The following LIFR variants were observed in gnomAD, a reference collection of about 807,000 sequenced individuals.
The protein encoded by LIFR is LIF receptor subunit alpha.
Under a neutral mutation model 122.2 loss-of-function variants are expected in LIFR, and 84 were observed. The ratio of observed to expected loss-of-function variants is 0.69; its 90% confidence interval spans 0.58 to 0.82. LIFR has a LOEUF of 0.82. Among genes scored for constraint, LIFR ranks in the 40% least tolerant of loss-of-function variants. The pLI, the probability that LIFR is intolerant of heterozygous loss-of-function variation, is 0.00. For synonymous variants in LIFR, 422 were observed against 434.7 expected, an observed-to-expected ratio of 0.97 and a Z score of 0.36; for missense variants, 1,294 against 1,311.6, an observed-to-expected ratio of 0.99 and a Z score of 0.21.
At chr5:38,543,373 C>T (rs961486444) in intron 1 of LIFR, among the ~76,000 whole-genome samples, 22 of 152,130 alleles carry the variant, frequency 1.4e-4, no homozygotes, top group Admixed American at 9.8e-4. Flanking sequence ...TATTGTGGCT[C>T]GTAAGGAGCA....
intron 1 of LIFR, among the ~76,000 whole-genome samples, chr5:38,573,308 G>C (rs756006543): frequency 6.6e-6 from 1 of 152,170 alleles, no homozygotes; most frequent in Non-Finnish European, 1.5e-5. Flanking sequence ...GTGATCTCAG[G>C]CCAGTGGGTC....
rs578128555 is a variant in LIFR, at chr5:38,583,367, G to A, written c.-20+11894C>T. On this transcript the variant is annotated intron_variant, in intron 1 of 19. Transcript: ENST00000263409. ...GCACCATGCAAGGCTTTTTGGAAACGAACCAATTCTCATGAGAACTTATTA... is the reference window on the plus strand; with the variant it reads ...GCACCATGCAAGGCTTTTTGGAAACAAACCAATTCTCATGAGAACTTATTA... Among the ~76,000 whole-genome samples, 9 of 152,162 alleles carry A rather than the reference G, an allele frequency of 5.9e-5. No homozygotes were observed. In the East Asian group the frequency reaches 1.4e-3, roughly 23 times the overall value.
intron 10 of LIFR, 144 bp from the exon 11 acceptor site, chr5:38,502,943 TA>T: frequency 2.4e-6 from 1 of 423,918 alleles, no homozygotes; most frequent in East Asian, 3.8e-5. Flanking sequence ...AATGAGTTTG[TA>T]TATGTAACAC....
intron 5 of LIFR, among the ~76,000 whole-genome samples, chr5:38,520,144 T>C (rs1746324717): frequency 6.6e-6 from 1 of 152,170 alleles, no homozygotes; most frequent in Non-Finnish European, 1.5e-5. Flanking sequence ...GTTTTTTTTG[T>C]CTTTTTAATA....
rs1329183759 is a variant in LIFR, at chr5:38,480,369, C to T, written c.*1226G>A. The stretch of plus-strand genomic sequence containing the variant: ...AAGGCAATCAATTCTGCACAGCTCA[C>T]CAAGCAATTGCTGCACCTGCAACAC... On this transcript the variant is annotated 3_prime_UTR_variant, in exon 20 of 20. Coordinates refer to ENST00000453190, the MANE Select transcript of LIFR (RefSeq NM_001127671.2). 1 of 226,980 alleles carries T rather than the reference C, an allele frequency of 4.4e-6. No homozygotes were observed. Among genetic ancestry groups the T allele is most frequent in the Non-Finnish European group, 8.8e-6 (1 of 114,150 alleles). The allele number at this position is 226,980 out of a possible 1,614,324, so 14.1% of individuals were successfully genotyped here.
intron 1 of LIFR, among the ~76,000 whole-genome samples, chr5:38,531,071 G>C (rs1293485851): frequency 6.6e-6 from 1 of 152,178 alleles, no homozygotes; most frequent in African/African-American, 2.4e-5. Context: ...ACGTTAACTT[G>C]TGTTTAGTCA....
At chr5:38,511,485 T>A (rs554070953) in intron 6 of LIFR, among the ~76,000 whole-genome samples, 59 of 151,868 alleles carry the variant, frequency 3.9e-4, no homozygotes, top group South Asian at 8.3e-4. Context: ...TTTTTTTTTT[T>A]AAACATAGAT....
rs767220941 is a variant in LIFR, at chr5:38,489,152, C to A, written c.2261G>T (p.Gly754Val). The change falls in exon 16 of 20, where the codon GGC (glycine) becomes GTC (valine). Residue 754 changes from glycine to valine, a missense_variant. Physicochemically the swap from Gly to Val is moderately radical, Grantham distance 109. Transcript: ENST00000453190. ...WEDIPVEELR[G>V]FLRGYLFYFG... ...GTAAAACAAATATCCTCTTAAAAAG[C>A]CTCTAAGTTCTTCCACAGGAATGTC... The A allele has an allele frequency of 6.2e-7, 1 of 1,612,258 alleles. No individual in the cohort carries two copies. The highest frequency in any genetic ancestry group is 8.5e-7 in the Non-Finnish European group (1 of 1,178,540).
chr5:38,515,506 T>C (rs1746028022), intron 5 of LIFR, among the ~76,000 whole-genome samples: 1 of 152,042 alleles, frequency 6.6e-6, no homozygotes, highest in Non-Finnish European at 1.5e-5. Flanking sequence ...GATTTTTTTA[T>C]AGACCATAAT....
intron 1 of LIFR, among the ~76,000 whole-genome samples, chr5:38,548,057 C>G (rs1747994355): frequency 6.6e-6 from 1 of 151,998 alleles, no homozygotes; most frequent in Non-Finnish European, 1.5e-5. Context: ...CACTCTCTCT[C>G]AGTAAGATCA....
Position 38,485,818 on chromosome 5 carries a change from C to A in LIFR, c.2497+1G>T, listed in dbSNP as rs758055364. The A allele has an allele frequency of 1.9e-6, 3 of 1,614,058 alleles. No homozygotes were observed. The highest frequency in any genetic ancestry group is 1.3e-5 in the African/African-American group (1 of 75,024). ...CACCTCAACAGCAACCTGAAACTTA[C>A]AATTTTCCTTTGTCACCACATACAT... is the stretch of plus-strand genomic sequence containing the variant. On this transcript the variant is annotated splice_donor_variant, in intron 17 of 19. Coordinates refer to ENST00000453190, the MANE Select transcript of LIFR (RefSeq NM_001127671.2). LOFTEE classifies it high-confidence loss of function.
In LIFR at chr5:38,478,353, CCT is replaced by C. The variant is rs1439551084; in HGVS notation, c.*3240_*3241del. On this transcript the variant is annotated 3_prime_UTR_variant, in exon 20 of 20. Transcript: ENST00000453190. ...GGTTTGGAAAATGAGGTTGATACTT[CCT>C]CTCTTAAGCTTCTCAGTGAATGGCT... 9.7e-6 allele frequency: 2 copies of C among 205,494 alleles called. No individual in the cohort carries two copies. The highest frequency in any genetic ancestry group is 4.6e-5 in the African/African-American group (2 of 43,796). 12.7% of individuals were successfully genotyped at this position (205,494 alleles called of 1,614,324 possible). A position where few individuals can be genotyped will look rare whatever the true frequency, so the allele number is the denominator to read the frequency against.
chr5:38,601,793 T>C (rs1750227161), intron 2 of LIFR, among the ~76,000 whole-genome samples: 1 of 152,216 alleles, frequency 6.6e-6, no homozygotes, highest in Admixed American at 6.5e-5. Context: ...CCCAAATATG[T>C]ATCTCTAGCC....
chr5:38,508,472 A>T (rs1388354261), intron 7 of LIFR, among the ~76,000 whole-genome samples: 1 of 152,208 alleles, frequency 6.6e-6, no homozygotes, highest in East Asian at 1.9e-4. Flanking sequence ...TGATCCACGG[A>T]TTTAATGTAA....
intron 12 of LIFR, among the ~76,000 whole-genome samples, chr5:38,498,874 T>C (rs1745028370): frequency 6.6e-6 from 1 of 152,204 alleles, no homozygotes; most frequent in Non-Finnish European, 1.5e-5. Flanking sequence ...CGTCAAAAGT[T>C]TTTTTAAATA....
chr5:38,510,786 T>A, intron 6 of LIFR, 68 bp from the exon 7 acceptor site: 1 of 1,342,722 alleles, frequency 7.4e-7, no homozygotes, highest in Non-Finnish European at 1.0e-6. Flanking sequence ...TTCTGCATTT[T>A]AAGACTTTCT....
intron 18 of LIFR, among the ~76,000 whole-genome samples, 192 bp from the exon 19 acceptor site, chr5:38,482,859 A>G (rs1263341838): frequency 6.6e-6 from 1 of 152,200 alleles, no homozygotes; most frequent in African/African-American, 2.4e-5. Flanking sequence ...CCAACTTGAA[A>G]ACCATAAACA....
At chr5:38,560,605 T>G (rs909333648), upstream of LIFR, among the ~76,000 whole-genome samples, 4 of 151,590 alleles carry the variant, frequency 2.6e-5, no homozygotes, top group Non-Finnish European at 4.4e-5. Context: ...GTTTTTTGTT[T>G]TTTTTTTTTT....
At chr5:38,512,010 T>C in intron 5 of LIFR, 46 bp from the exon 6 acceptor site, 1 of 1,579,778 alleles carries the variant, frequency 6.3e-7, no homozygotes, top group Non-Finnish European at 8.7e-7. Context: ...AGTAGCAATA[T>C]GTTTTGCTTT....
Sources: allele counts gnomAD v4.1 joint callset (sites outside exome capture counted in the v4.1 genomes callset), GRCh38; gene constraint gnomAD v4.1.1; transcripts MANE v1.5; gene names NCBI Gene and HGNC (gene_info 2026-07-23, HGNC 2026-07-21).